The following DMD variants were observed in gnomAD, a reference collection of about 807,000 sequenced individuals.
DMD encodes the protein mutant dystrophin.
In DMD, 63 loss-of-function variants were observed where a neutral mutation model predicts 330.1. That is an observed-to-expected ratio of 0.19 (90% CI 0.16 to 0.24). DMD has a LOEUF of 0.24. DMD is among the 10% of genes least tolerant of loss of function. DMD has a pLI of 1.00. For missense variants in DMD, 3,344 were observed against 2,684.1 expected, an observed-to-expected ratio of 1.25 and a Z score of -5.43; for synonymous variants, 1,223 against 959.8, an observed-to-expected ratio of 1.27 and a Z score of -5.07.
intron 2 of DMD, among the ~76,000 whole-genome samples, chrX:32,999,040 G>A (rs1358781875): frequency 8.9e-6 from 1 of 112,381 alleles, no homozygotes; most frequent in East Asian, 2.8e-4. Context: ...GAAATTCAGT[G>A]TCCTTACACT....
chrX:31,509,513 T>A (rs2071279394), intron 55 of DMD, among the ~76,000 whole-genome samples: 1 of 111,790 alleles, frequency 8.9e-6, no homozygotes, highest in Admixed American at 9.5e-5. Flanking sequence ...ACTAGTAGCA[T>A]CAGTTTTCTA....
chrX:31,185,480 C>T (rs754332911), intron 67 of DMD, among the ~76,000 whole-genome samples: 16 of 112,042 alleles, frequency 1.4e-4, no homozygotes, highest in Admixed American at 5.7e-4. Context: ...TGCCGGTCTG[C>T]TGTAAACCCA....
chrX:31,846,435 A>G lies in DMD; in HGVS notation c.7099-9616T>C, dbSNP rs1024683646. Among the ~76,000 whole-genome samples the G allele has an allele frequency of 2.2e-4, 7 of 31,246 alleles. No individual in the cohort carries two copies. The East Asian group carries it at 2.5e-3, about 11-fold the overall frequency. 27.1% of individuals were successfully genotyped at this position (31,246 alleles called of 115,157 possible). On this transcript the variant is annotated intron_variant, in intron 48 of 78. Transcript: ENST00000357033. ...CGTTTGCTCTGGAAAATCAAGAAAT[A>G]CACACACACACACACACACACACAC... is the stretch of plus-strand genomic sequence containing the variant.
At chrX:33,302,025 T>G (rs986375725) in intron 1 of DMD, among the ~76,000 whole-genome samples, 1 of 111,945 alleles carries the variant, frequency 8.9e-6, no homozygotes, top group African/African-American at 3.2e-5. Flanking sequence ...TTCATAGTAT[T>G]AAACATATTG....
intron 52 of DMD, among the ~76,000 whole-genome samples, chrX:31,683,603 T>C (rs932827099): frequency 8.9e-6 from 1 of 112,332 alleles, no homozygotes; most frequent in African/African-American, 3.2e-5. Flanking sequence ...CTCATTTATA[T>C]GGCACATAGA....
chrX:32,800,862 C>T lies in DMD; in HGVS notation c.649+8631G>A, dbSNP rs766296932. Among the ~76,000 whole-genome samples the T allele has an allele frequency of 2.2e-3, 247 of 111,390 alleles. 1 individual carries two copies. The highest frequency in any genetic ancestry group is 7.7e-3 in the African/African-American group (236 of 30,655). ...ATGTTTTCCAGCTTCATCCACATCCCTGCAAAGGACATGAAACTCATCCTT... is the reference window on the plus strand; with the variant it reads ...ATGTTTTCCAGCTTCATCCACATCCTTGCAAAGGACATGAAACTCATCCTT... On this transcript the variant is annotated intron_variant, in intron 7 of 78. Coordinates refer to ENST00000357033, the MANE Select transcript of DMD (RefSeq NM_004006.3).
intron 1 of DMD, among the ~76,000 whole-genome samples, chrX:33,308,567 C>G (rs1316899099): frequency 9.0e-6 from 1 of 111,518 alleles, no homozygotes; most frequent in Admixed American, 9.6e-5. Flanking sequence ...GGAAAATTTA[C>G]AACAATCTGT....
At chrX:33,073,578 C>T (rs898108099) in intron 1 of DMD, among the ~76,000 whole-genome samples, 1 of 111,343 alleles carries the variant, frequency 9.0e-6, no homozygotes, top group African/African-American at 3.3e-5. Context: ...TGCCTGTAAT[C>T]CCAGCACTTT....
At chrX:32,504,340 T>C (rs1323213633) in intron 18 of DMD, among the ~76,000 whole-genome samples, 2 of 111,698 alleles carry the variant, frequency 1.8e-5, no homozygotes, top group Non-Finnish European at 3.8e-5. Flanking sequence ...AATGATAACA[T>C]GGGCTGGGTG....
chrX:33,144,842 A>G (rs1243343309), intron 1 of DMD, among the ~76,000 whole-genome samples: 1 of 111,873 alleles, frequency 8.9e-6, no homozygotes, highest in Non-Finnish European at 1.9e-5. Context: ...TGGAAAACCC[A>G]CCATTTCCTT....
At chrX:32,371,049 T>G (rs2097874877) in intron 34 of DMD, among the ~76,000 whole-genome samples, 1 of 110,764 alleles carries the variant, frequency 9.0e-6, no homozygotes, top group African/African-American at 3.3e-5. Flanking sequence ...CTTTTCAAGT[T>G]TCTCGGGTGA....
At chrX:32,541,287 C>T (rs1169021888) in intron 17 of DMD, among the ~76,000 whole-genome samples, 3 of 111,147 alleles carry the variant, frequency 2.7e-5, no homozygotes, top group Non-Finnish European at 5.7e-5. Context: ...TCATCATCAT[C>T]TCTACTATCG....
chrX:32,088,441 C>A (rs1199283270), intron 44 of DMD, among the ~76,000 whole-genome samples: 1 of 108,188 alleles, frequency 9.2e-6, no homozygotes, highest in African/African-American at 3.4e-5. Context: ...TTTTTACCTC[C>A]AGCATATATT....
intron 43 of DMD, among the ~76,000 whole-genome samples, chrX:32,266,293 G>C (rs2097344228): frequency 1.8e-5 from 2 of 111,587 alleles, no homozygotes; most frequent in South Asian, 7.5e-4. Context: ...ATGGTTGTAA[G>C]TTTTCCCTGA....
Position 32,970,432 on chromosome X carries a change from A to AAT in DMD, c.93+49705_93+49706dup, listed in dbSNP as rs755564337. 8.6e-5 allele frequency among the ~76,000 whole-genome samples: 8 copies of AAT among 93,466 alleles called. 1 individual carries two copies. In the East Asian group the frequency reaches 2.7e-3, roughly 31 times the overall value. The allele number at this position is 93,466 out of a possible 115,157, so 81.2% of individuals were successfully genotyped here. A position where few individuals can be genotyped will look rare whatever the true frequency, so the allele number is the denominator to read the frequency against. On this transcript the variant is annotated intron_variant, in intron 2 of 78. Coordinates refer to ENST00000357033, the MANE Select transcript of DMD (RefSeq NM_004006.3). ...ATCAAAACATCTCATGTACCCCATA[A>AAT]ATATATATATCTATTGTGTACCCAC...
intron 7 of DMD, among the ~76,000 whole-genome samples, chrX:32,746,218 C>A (rs1476890057): frequency 2.7e-5 from 3 of 112,017 alleles, no homozygotes; most frequent in Non-Finnish European, 5.6e-5. Context: ...CCATTCCTAA[C>A]CTGGGATATG....
intron 50 of DMD, among the ~76,000 whole-genome samples, chrX:31,774,676 T>C (rs1007717749): frequency 1.8e-5 from 2 of 111,799 alleles, no homozygotes; most frequent in Admixed American, 1.9e-4. Flanking sequence ...AATTTGAAGC[T>C]GGACCCTAGG....
rs931006094 is a variant in DMD, at chrX:32,230,418, G to C, written c.6291-13355C>G. Among the ~76,000 whole-genome samples, 6 of 110,855 alleles carry C rather than the reference G, an allele frequency of 5.4e-5. No homozygotes were observed. The East Asian group carries it at 1.7e-3, about 32-fold the overall frequency. ...CGCCACCACGCCCGGCTAATTTTTT[G>C]TATTTTTTAGTAGAGACGGGGTTTC... On this transcript the variant is annotated intron_variant, in intron 43 of 78. Transcript: ENST00000357033.
chrX:31,454,699 G>C (rs2066024545), intron 59 of DMD, among the ~76,000 whole-genome samples: 1 of 111,603 alleles, frequency 9.0e-6, no homozygotes, highest in African/African-American at 3.3e-5. Context: ...TTTCTAATAA[G>C]AAGTTAGAAA....
Sources: allele counts gnomAD v4.1 joint callset (sites outside exome capture counted in the v4.1 genomes callset), GRCh38; gene constraint gnomAD v4.1.1; transcripts MANE v1.5; gene names NCBI Gene and HGNC (gene_info 2026-07-23, HGNC 2026-07-21).